The following KLHL1 variants were observed in gnomAD, a reference collection of about 807,000 sequenced individuals.
KLHL1 encodes the protein kelch like family member 1.
Under a neutral mutation model 77.7 loss-of-function variants are expected in KLHL1, and 47 were observed. The ratio of observed to expected loss-of-function variants is 0.60; its 90% CI spans 0.48 to 0.77. The LOEUF (loss-of-function observed/expected upper bound fraction) is 0.77. KLHL1 is among the 30% of genes least tolerant of loss of function. The pLI, the probability that KLHL1 is intolerant of heterozygous loss-of-function variation, is 0.00. For synonymous variants in KLHL1, 360 were observed against 325.2 expected, an observed-to-expected ratio of 1.11 and a Z score of -1.15; for missense variants, 925 against 910.8, an observed-to-expected ratio of 1.02 and a Z score of -0.20.
chr13:70,073,898 T>G (rs1419246678), intron 1 of KLHL1, among the ~76,000 whole-genome samples: 1 of 151,606 alleles, frequency 6.6e-6, no homozygotes, highest in East Asian at 2.0e-4. Context: ...TGATCTTGGC[T>G]CACCGCAGCC....
chr13:69,748,290 G>C (rs941153776), intron 7 of KLHL1, among the ~76,000 whole-genome samples: 5 of 151,950 alleles, frequency 3.3e-5, no homozygotes, highest in Admixed American at 1.3e-4. Flanking sequence ...ACATACCTGA[G>C]ACTGGGAAGA....
chr13:69,784,882 ATTTT>A (rs775109435), intron 7 of KLHL1, among the ~76,000 whole-genome samples: 130 of 79,492 alleles, frequency 1.6e-3, no homozygotes, highest in African/African-American at 5.9e-3. Context: ...CAGAATATAC[ATTTT>A]TTTTTTTTTT....
intron 6 of KLHL1, among the ~76,000 whole-genome samples, chr13:69,807,310 A>G (rs1226216776): frequency 6.6e-6 from 1 of 151,944 alleles, no homozygotes; most frequent in Non-Finnish European, 1.5e-5. Flanking sequence ...GACCAAGCCC[A>G]CCCTTGGCCT....
intron 1 of KLHL1, among the ~76,000 whole-genome samples, chr13:69,993,458 C>T (rs59017751): frequency 0.01 from 1,580 of 152,090 alleles, 20 homozygotes; most frequent in African/African-American, 0.036. Flanking sequence ...CTCCTGGATT[C>T]TTTAGTTCAG....
At chr13:70,017,928 T>C (rs559547695) in intron 1 of KLHL1, among the ~76,000 whole-genome samples, 2 of 152,118 alleles carry the variant, frequency 1.3e-5, no homozygotes, top group African/African-American at 4.8e-5. Context: ...TGTATTTAAA[T>C]AAGAGTGTAA....
intron 5 of KLHL1, among the ~76,000 whole-genome samples, chr13:69,878,277 C>A (rs1260369354): frequency 2.0e-5 from 3 of 151,852 alleles, no homozygotes; most frequent in Non-Finnish European, 4.4e-5. Flanking sequence ...CTTTAAATAT[C>A]TTTTAAAATC....
chr13:70,052,354 G>A (rs1257685257), intron 1 of KLHL1, among the ~76,000 whole-genome samples: 1 of 151,528 alleles, frequency 6.6e-6, no homozygotes, highest in Non-Finnish European at 1.5e-5. Context: ...AAATATTTAA[G>A]TTATCTATCA....
chr13:70,093,299 T>C (rs1887712283), intron 1 of KLHL1, among the ~76,000 whole-genome samples: 1 of 152,154 alleles, frequency 6.6e-6, no homozygotes, highest in African/African-American at 2.4e-5. Context: ...TTCTCCAAGA[T>C]GCCCATCTGC....
At chr13:70,066,044 A>G (rs1161722123) in intron 1 of KLHL1, among the ~76,000 whole-genome samples, 2 of 152,202 alleles carry the variant, frequency 1.3e-5, no homozygotes, top group Non-Finnish European at 2.9e-5. Flanking sequence ...TCAGACAAAA[A>G]TGTTTTTTAA....
At chr13:70,008,922 C>T (rs1885467562) in intron 1 of KLHL1, among the ~76,000 whole-genome samples, 1 of 152,010 alleles carries the variant, frequency 6.6e-6, no homozygotes, top group African/African-American at 2.4e-5. Context: ...ATTCTTGTCA[C>T]AATACAATGC....
chr13:69,774,608 A>G (rs1875735966), intron 7 of KLHL1, among the ~76,000 whole-genome samples: 1 of 152,188 alleles, frequency 6.6e-6, no homozygotes, highest in Admixed American at 6.5e-5. Context: ...GCTCTGCTTT[A>G]GGAGTAGATA....
intron 1 of KLHL1, among the ~76,000 whole-genome samples, chr13:69,996,878 C>T (rs1885165297): frequency 7.0e-6 from 1 of 142,890 alleles, no homozygotes; most frequent in Admixed American, 7.2e-5. Context: ...TAAGAAATTG[C>T]CTTTATGAAA....
At chr13:69,924,464 G>GA (rs1282721358) in intron 4 of KLHL1, among the ~76,000 whole-genome samples, 1 of 152,142 alleles carries the variant, frequency 6.6e-6, no homozygotes. Context: ...TCACTCCAGG[G>GA]TCTCACCCCT....
intron 9 of KLHL1, among the ~76,000 whole-genome samples, chr13:69,712,159 C>G (rs1875906085): frequency 6.6e-6 from 1 of 152,000 alleles, no homozygotes; most frequent in Admixed American, 6.6e-5. Context: ...TCTCCAACAA[C>G]TTTTTACCCT....
At chr13:70,016,938 TG>T (rs1885673835) in intron 1 of KLHL1, among the ~76,000 whole-genome samples, 1 of 152,104 alleles carries the variant, frequency 6.6e-6, no homozygotes, top group Non-Finnish European at 1.5e-5. Context: ...CACACAGACC[TG>T]GGGGCCACCT....
At chr13:69,725,729 ATTG>A (rs1332171947) in intron 8 of KLHL1, among the ~76,000 whole-genome samples, 2 of 152,134 alleles carry the variant, frequency 1.3e-5, no homozygotes, top group Non-Finnish European at 2.9e-5. Flanking sequence ...TCACCAATGT[ATTG>A]TTGTAGCTTA....
chr13:69,774,709 T>C (rs1240674141), intron 7 of KLHL1, among the ~76,000 whole-genome samples: 1 of 152,124 alleles, frequency 6.6e-6, no homozygotes, highest in Admixed American at 6.5e-5. Flanking sequence ...GCCTATAGTA[T>C]TCTGTTCAAT....
chr13:69,710,170 G>A (rs1379654965), intron 9 of KLHL1, among the ~76,000 whole-genome samples: 1 of 151,580 alleles, frequency 6.6e-6, no homozygotes. Context: ...ATTTCCAAAG[G>A]TTTAAGTTCT....
At chr13:70,041,214 T>C (rs984657404) in intron 1 of KLHL1, among the ~76,000 whole-genome samples, 1 of 152,210 alleles carries the variant, frequency 6.6e-6, no homozygotes, top group Non-Finnish European at 1.5e-5. Context: ...AAGATAACTC[T>C]AACACTTGTG....
Sources: allele counts gnomAD v4.1 joint callset (sites outside exome capture counted in the v4.1 genomes callset), GRCh38; gene constraint gnomAD v4.1.1; transcripts MANE v1.5; gene names NCBI Gene and HGNC (gene_info 2026-07-23, HGNC 2026-07-21).